Variants in TRIM3 observed in about 807,000 individuals in gnomAD.
TRIM3 encodes tripartite motif-containing protein 3.
A neutral mutation model predicts 66.6 loss-of-function variants in TRIM3; 13 were observed. The ratio of observed to expected loss-of-function variants is 0.20; its 90% CI spans 0.13 to 0.31. The LOEUF is 0.31. Among genes scored for constraint, TRIM3 ranks in the 10% least tolerant of loss-of-function variants. The pLI, the probability that TRIM3 is intolerant of heterozygous loss-of-function variation, is 1.00. For synonymous variants in TRIM3, 406 were observed against 411.7 expected (o/e 0.99, Z 0.17); for missense variants, 711 against 1,020.4 (o/e 0.70, Z 4.13).
chr11:6,474,341 T>C (rs1398701771), upstream of TRIM3: 2 of 152,246 alleles, frequency 1.3e-5, no homozygotes, highest in African/African-American at 4.8e-5. Context: ...CCGGCTTCCT[T>C]GGAGTGCTCC....
rs1479610113 is a variant in TRIM3 at position 6,458,266 on chromosome 11, G to A, written c.162C>T (p.Ser54=). The A allele has an allele frequency of 2.5e-6, 4 of 1,614,122 alleles. No individual in the cohort carries two copies. The highest frequency in any genetic ancestry group is 3.4e-6 in the Non-Finnish European group (4 of 1,179,962). ...GGCATACTGGACAGGATAGCGTCAG[G>A]CTCTGGGCAGGGATATAGTTTTGGA... The part of the protein sequence containing the change: ...RCLQNYIPAQ[S]LTLSCPVCRQ... The change falls in exon 3 of 12, where the codon AGC becomes AGT. Residue 54 remains serine, a synonymous_variant. Transcript: ENST00000345851. The surrounding 1 kb of genome is among the most constrained non-coding windows in gnomAD (Gnocchi z 6.2).
chr11:6,451,407 C>T lies in TRIM3; in HGVS notation c.1565G>A (p.Arg522His), dbSNP rs746728770. ...AGGTGAGCGTCCTCGGACCCCAAAA[C>T]GGAACTTGAACTGGCCCTCATTGGA... is the stretch of plus-strand genomic sequence containing the variant. ...VFSNEGQFKF[R>H]FGVRGRSPGQ... Residue 522 changes from arginine (R) to histidine (H), a missense_variant, in exon 8 of 12, where the codon CGT (arginine) becomes CAT (histidine). Arg to His is a conservative substitution (Grantham distance 29). Around this residue, in one of 3 missense-constraint regions of TRIM3, gnomAD observed 163 missense variants for 321.9 expected, o/e 0.51. Coordinates refer to ENST00000345851, the MANE Select transcript of TRIM3 (RefSeq NM_033278.4). 7 of 1,614,054 alleles carry T rather than the reference C, an allele frequency of 4.3e-6. No individual in the cohort carries two copies. The highest frequency in any genetic ancestry group is 5.1e-6 in the Non-Finnish European group (6 of 1,180,042).
In TRIM3 at chr11:6,450,821, C is replaced by T; in HGVS notation, c.1870+71G>A. The T allele has an allele frequency of 2.5e-6, 4 of 1,584,536 alleles. No individual in the cohort carries two copies. Among genetic ancestry groups the T allele is most frequent in the South Asian group, 1.1e-5 (1 of 88,130 alleles). ...AAGATATAGGAGGAGAGGGCCTTTA[C>T]AGCTGGGGTATCTAGGGGAGTTCTC... On this transcript the variant is annotated intron_variant, in intron 9 of 11. Coordinates refer to ENST00000345851, the MANE Select transcript of TRIM3 (RefSeq NM_033278.4). The surrounding 1 kb of genome is among the most constrained non-coding windows in gnomAD (Gnocchi z 4.8).
At position 6,449,257 on chromosome 11, in the gene TRIM3, G is replaced by A; in HGVS notation, c.2082+49C>T. ...TCTGTTTTGGGGGAACGGGCATATG[G>A]GACACACCAGGAAACCGCCCCCTCA... On this transcript the variant is annotated intron_variant, in intron 11 of 11. Transcript: ENST00000345851. This position sits in a 1 kb window ranked among gnomAD's most constrained non-coding sequence, Gnocchi z 5.3. The A allele has an allele frequency of 3.1e-6, 5 of 1,610,010 alleles. No homozygotes were observed. The highest frequency in any genetic ancestry group is 4.2e-6 in the Non-Finnish European group (5 of 1,176,608).
At chr11:6,460,385 T>C (rs190598327) in intron 2 of TRIM3, among the ~76,000 whole-genome samples, 1 of 152,188 alleles carries the variant, frequency 6.6e-6, no homozygotes, top group East Asian at 1.9e-4. Flanking sequence ...TTTTTACCTG[T>C]TTGGCATGGG....
chr11:6,456,294 T>C lies in TRIM3; in HGVS notation c.1429+3A>G. 1 of 1,562,800 alleles carries C rather than the reference T, an allele frequency of 6.4e-7. No homozygotes were observed. The highest frequency in any genetic ancestry group is 8.7e-7 in the Non-Finnish European group (1 of 1,151,306). ...ATCTGGCTCTGCCCTCGGCTGTCTG[T>C]ACCAACACGGAAGACGAGCTCATCC... On this transcript the variant is annotated splice_donor_region_variant and intron_variant, in intron 6 of 11. Coordinates refer to ENST00000345851, the MANE Select transcript of TRIM3 (RefSeq NM_033278.4). The surrounding 1 kb of genome is among the most constrained non-coding windows in gnomAD (Gnocchi z 6.4).
Position 6,472,241 on chromosome 11 carries a change from G to A in TRIM3, c.-38+1550C>T, listed in dbSNP as rs560683827. Among the ~76,000 whole-genome samples, 15 of 152,286 alleles carry A rather than the reference G, an allele frequency of 9.8e-5. No homozygotes were observed. In the East Asian group the frequency reaches 2.9e-3, roughly 29 times the overall value. ...CCATTCCCTTATTTGTAAATTGGGAGAAGAGGGATGTTTTCTCAAAATCTG... is the reference window on the plus strand; with the variant it reads ...CCATTCCCTTATTTGTAAATTGGGAAAAGAGGGATGTTTTCTCAAAATCTG... On this transcript the variant is annotated intron_variant, in intron 1 of 11. Coordinates refer to ENST00000345851, the MANE Select transcript of TRIM3 (RefSeq NM_033278.4).
Position 6,456,594 on chromosome 11 carries a change from C to T in TRIM3, c.1132G>A (p.Val378Met). The T allele has an allele frequency of 1.9e-6, 3 of 1,613,000 alleles. No individual in the cohort carries two copies. Among genetic ancestry groups the T allele is most frequent in the Non-Finnish European group, 2.5e-6 (3 of 1,179,862 alleles). The change falls in exon 6 of 12, where the codon GTG becomes ATG. Residue 378 changes from valine to methionine, a missense_variant. By Grantham distance (21) the Val-to-Met change is conservative (BLOSUM62 1). Coordinates refer to ENST00000345851, the MANE Select transcript of TRIM3 (RefSeq NM_033278.4). This position sits in a 1 kb window ranked among gnomAD's most constrained non-coding sequence, Gnocchi z 6.4. ...GPDGTRLPVP[V>M]VDHKNGTYEL... Reference sequence around the variant, plus strand: ...TATGTGCCATTCTTGTGGTCCACCACTGGCACCGGAAGGCGCGTGCCGTCC... The same window carrying T: ...TATGTGCCATTCTTGTGGTCCACCATTGGCACCGGAAGGCGCGTGCCGTCC...
rs762332953 is a variant in TRIM3, at chr11:6,457,362, T to A, written c.630A>T (p.Gln210His). The change falls in exon 5 of 12, where the codon CAA becomes CAT. Residue 210 changes from glutamine to histidine, a missense_variant. By Grantham distance (24) the Gln-to-His change is conservative. Transcript: ENST00000345851. The surrounding 1 kb of genome is among the most constrained non-coding windows in gnomAD (Gnocchi z 4.5). ...GAGCCTGCTTGCGCTGCTGCAGTGCTTGCTCCAGGTCCTCGAACGCTGCAC... is the reference window on the plus strand; with the variant it reads ...GAGCCTGCTTGCGCTGCTGCAGTGCATGCTCCAGGTCCTCGAACGCTGCAC... ...QISAAFEDLE[Q>H]ALQQRKQALV... The A allele has an allele frequency of 1.9e-6, 3 of 1,613,940 alleles. No individual in the cohort carries two copies. In the South Asian group the frequency reaches 3.3e-5, roughly 18 times the overall value.
intron 7 of TRIM3, among the ~76,000 whole-genome samples, chr11:6,453,865 G>C (rs1849847652): frequency 6.6e-6 from 1 of 152,212 alleles, no homozygotes. Context: ...GAGAGGAGGA[G>C]GGGGATCAGA....
At chr11:6,472,440 G>A (rs1485643057) in intron 1 of TRIM3, among the ~76,000 whole-genome samples, 4 of 77,572 alleles carry the variant, frequency 5.2e-5, no homozygotes, top group Admixed American at 2.0e-4. Flanking sequence ...CTGCCCCCTC[G>A]CCCCCGTAAA....
In TRIM3 at chr11:6,457,320, C is replaced by T. The variant is rs1850038131; in HGVS notation, c.672G>A (p.Glu224=). 6.2e-7 allele frequency: 1 copy of T among 1,614,044 alleles called. No individual in the cohort carries two copies. The highest frequency in any genetic ancestry group is 1.7e-5 in the Admixed American group (1 of 60,004). ...QRKQALVSDL[E]TICGAKQKVL... ...CCTTCTGTTTGGCCCCACAAATGGT[C>T]TCCAGGTCGCTGACCAGAGCCTGCT... The change falls in exon 5 of 12, where the codon GAG becomes GAA. Residue 224 remains glutamate (E), a synonymous_variant. Coordinates refer to ENST00000345851, the MANE Select transcript of TRIM3 (RefSeq NM_033278.4). The surrounding 1 kb of genome is among the most constrained non-coding windows in gnomAD (Gnocchi z 4.5).
intron 1 of TRIM3, among the ~76,000 whole-genome samples, chr11:6,469,440 T>C (rs1850597462): frequency 6.6e-6 from 1 of 152,232 alleles, no homozygotes; most frequent in Non-Finnish European, 1.5e-5. Context: ...TCCATCCCAC[T>C]GTGCTCTAGA....
In TRIM3 at chr11:6,456,881, G is replaced by A; in HGVS notation, c.845C>T (p.Ala282Val). 1.2e-6 allele frequency: 2 copies of A among 1,612,412 alleles called. No individual in the cohort carries two copies. The highest frequency in any genetic ancestry group is 1.1e-5 in the South Asian group (1 of 91,090). Residue 282 changes from alanine (A) to valine (V), a missense_variant, in exon 6 of 12, where the codon GCG (alanine) becomes GTG (valine). This residue lies in a region of TRIM3 where 399 missense variants were observed against 458.1 expected (regional missense o/e 0.87). Transcript: ENST00000345851. The surrounding 1 kb of genome is among the most constrained non-coding windows in gnomAD (Gnocchi z 6.4). ...TGGCCGCTCCGGGAAGGCCTGTGCC[G>A]CCAATGCAGCCAGCCGCTCTCGCAT... ...KHMRERLAAL[A>V]AQAFPERPHE... is the part of the protein sequence containing the mutation.
intron 1 of TRIM3, among the ~76,000 whole-genome samples, chr11:6,469,179 A>T (rs1850585079): frequency 6.6e-6 from 1 of 152,170 alleles, no homozygotes. Context: ...GCTGGGAGGA[A>T]GAGTGGGAGT....
At chr11:6,454,130 G>A (rs1849863114) in intron 7 of TRIM3, among the ~76,000 whole-genome samples, 1 of 152,186 alleles carries the variant, frequency 6.6e-6, no homozygotes, top group Admixed American at 6.5e-5. Flanking sequence ...TGTAATCCCA[G>A]CACTTTCAGA....
At chr11:6,469,510 C>T (rs1274921436) in intron 1 of TRIM3, among the ~76,000 whole-genome samples, 1 of 152,194 alleles carries the variant, frequency 6.6e-6, no homozygotes, top group Non-Finnish European at 1.5e-5. Context: ...ACAGCAGACA[C>T]TTATAAGGCC....
intron 1 of TRIM3, among the ~76,000 whole-genome samples, chr11:6,470,553 G>A (rs1275112047): frequency 1.3e-5 from 2 of 152,328 alleles, no homozygotes; most frequent in East Asian, 3.9e-4. Context: ...GCAGGCATGA[G>A]CCACAGCACC....
intron 2 of TRIM3, among the ~76,000 whole-genome samples, chr11:6,462,597 C>T (rs997093799): frequency 1.3e-5 from 2 of 151,810 alleles, no homozygotes; most frequent in African/African-American, 2.4e-5. Flanking sequence ...TTTTTAGAGA[C>T]TGCATCTCAC....
Sources: allele counts gnomAD v4.1 joint callset (sites outside exome capture counted in the v4.1 genomes callset), GRCh38; gene constraint gnomAD v4.1.1; regional missense constraint gnomAD v4.1.1; non-coding constraint Gnocchi (gnomAD v3.1); transcripts MANE v1.5; gene names NCBI Gene and HGNC (gene_info 2026-07-23, HGNC 2026-07-21).